Variants in RAB37 observed in about 807,000 individuals in gnomAD.
RAB37 encodes RAB37, member RAS oncogene family, also known as ras-related protein Rab-37.
In RAB37, 29 loss-of-function variants were observed where a neutral mutation model predicts 33.1. That is an observed-to-expected ratio of 0.88 (90% CI 0.65 to 1.20). RAB37 has a LOEUF of 1.20. Among genes scored for constraint, RAB37 ranks in the 50% most tolerant of loss-of-function variants. RAB37 has a pLI of 0.00. For missense variants in RAB37, 299 were observed against 301.1 expected (o/e 0.99, Z 0.05); for synonymous variants, 128 against 119.5 (o/e 1.07, Z -0.47).
In RAB37 at chr17:74,713,352, G is replaced by A. The variant is rs115188910; in HGVS notation, c.73-15904G>A. Among the ~76,000 whole-genome samples the A allele has an allele frequency of 7.9e-3, 1,204 of 151,944 alleles. 19 individuals carry two copies. Among genetic ancestry groups the A allele is most frequent in the African/African-American group, 0.027 (1,129 of 41,428 alleles). On this transcript the variant is annotated intron_variant, in intron 1 of 7. Transcript: ENST00000340415. Reference sequence around the variant, plus strand: ...AAAAAAGAGGAAGGAGGTGGAAAGGGTGAAATTTCGAGGCAGTTGACAATG... The same window carrying A: ...AAAAAAGAGGAAGGAGGTGGAAAGGATGAAATTTCGAGGCAGTTGACAATG...
At chr17:74,686,565 A>T (rs1360042358) in intron 1 of RAB37, among the ~76,000 whole-genome samples, 2 of 150,020 alleles carry the variant, frequency 1.3e-5, no homozygotes, top group East Asian at 4.0e-4. Flanking sequence ...TAGTTTTTGT[A>T]TTTTTTTTAG....
At chr17:74,737,037 G>C, upstream of RAB37, 1 of 1,607,476 alleles carries the variant, frequency 6.2e-7, no homozygotes, top group Non-Finnish European at 8.5e-7. Context: ...AGCGCACGGA[G>C]CCGAGCCGGT....
intron 1 of RAB37, among the ~76,000 whole-genome samples, chr17:74,721,283 C>T (rs2034236435): frequency 6.6e-6 from 1 of 152,204 alleles, no homozygotes; most frequent in Non-Finnish European, 1.5e-5. Flanking sequence ...CAGGGACATA[C>T]AGTACATACA....
chr17:74,711,899 CTTTTTTCT>C (rs1454817766), intron 1 of RAB37, among the ~76,000 whole-genome samples: 7 of 143,628 alleles, frequency 4.9e-5, no homozygotes, highest in Non-Finnish European at 6.1e-5. Context: ...TTTCTTTTTT[CTTTTTTCT>C]TTTTTTTTTT....
rs766095230 is a variant in RAB37, at chr17:74,695,301, T to C, written c.72+23643T>C. 8.7e-6 allele frequency: 14 copies of C among 1,606,454 alleles called. No homozygotes were observed. The South Asian group carries it at 1.2e-4, about 14-fold the overall frequency. ...CAGAGAGGACGGCAGGAAGTGACGGTCACGGGGCAGAGGAGCCCTCGGAGG... is the reference window on the plus strand; with the variant it reads ...CAGAGAGGACGGCAGGAAGTGACGGCCACGGGGCAGAGGAGCCCTCGGAGG... On this transcript the variant is annotated intron_variant, in intron 1 of 7. Coordinates refer to the RAB37 transcript ENST00000340415.
intron 1 of RAB37, among the ~76,000 whole-genome samples, chr17:74,713,173 C>T (rs1487783731): frequency 3.3e-5 from 5 of 151,908 alleles, no homozygotes; most frequent in South Asian, 4.2e-4. Context: ...GGCGTGGTGG[C>T]GCACACCTGT....
rs1274031694 is a variant in RAB37, at chr17:74,743,124, C to A, written c.247-5C>A. 2 of 1,612,452 alleles carry A rather than the reference C, an allele frequency of 1.2e-6. No individual in the cohort carries two copies. The highest frequency in any genetic ancestry group is 1.7e-5 in the Admixed American group (1 of 59,948). On this transcript the variant is annotated splice_region_variant and splice_polypyrimidine_tract_variant and intron_variant, in intron 3 of 8. Coordinates refer to ENST00000392613, the MANE Select transcript of RAB37 (RefSeq NM_001006638.3). ...TGACCATTTCTCCATCCCATCCCTT[C>A]CCAGATCTGGGACACCGCTGGGCAG...
intron 1 of RAB37, among the ~76,000 whole-genome samples, chr17:74,722,420 G>A (rs1477553233): frequency 6.6e-6 from 1 of 152,148 alleles, no homozygotes. Flanking sequence ...CTACAAACAC[G>A]AGGCAGAATT....
intron 1 of RAB37, among the ~76,000 whole-genome samples, chr17:74,681,012 A>C (rs927082289): frequency 2.0e-5 from 3 of 152,246 alleles, no homozygotes; most frequent in African/African-American, 7.2e-5. Context: ...GAATCAATTC[A>C]GCAAATATTT....
At chr17:74,740,904 C>G in intron 2 of RAB37, 26 bp downstream of exon 2, 1 of 1,525,670 alleles carries the variant, frequency 6.6e-7, no homozygotes, top group Non-Finnish European at 9.1e-7. Context: ...GCACTTGCTT[C>G]CAGCAGAGAG....
intron 1 of RAB37, among the ~76,000 whole-genome samples, chr17:74,715,699 G>C (rs1294880251): frequency 6.6e-6 from 1 of 152,112 alleles, no homozygotes; most frequent in African/African-American, 2.4e-5. Flanking sequence ...TCCCAGACCT[G>C]GCCTCCCCAA....
intron 1 of RAB37, among the ~76,000 whole-genome samples, chr17:74,675,272 TA>T (rs2031803405): frequency 6.6e-6 from 1 of 151,810 alleles, no homozygotes; most frequent in Non-Finnish European, 1.5e-5. Context: ...CCATTTCTAC[TA>T]AAAATACAAA....
intron 1 of RAB37, among the ~76,000 whole-genome samples, chr17:74,707,633 T>G (rs528345676): frequency 6.6e-6 from 1 of 151,670 alleles, no homozygotes; most frequent in Admixed American, 6.6e-5. Flanking sequence ...GAGAATCGTC[T>G]GAACCTGGGA....
At chr17:74,714,309 C>A (rs1374556322) in intron 1 of RAB37, among the ~76,000 whole-genome samples, 2 of 151,714 alleles carry the variant, frequency 1.3e-5, no homozygotes, top group African/African-American at 4.8e-5. Context: ...TTACCTGAGC[C>A]CAAGAGGTCG....
intron 2 of RAB37, among the ~76,000 whole-genome samples, chr17:74,741,587 G>GAAAAAAAA (rs535783718): frequency 7.9e-6 from 1 of 127,198 alleles, no homozygotes; most frequent in African/African-American, 3.2e-5. Context: ...CTGCGTCTCA[G>GAAAAAAAA]AAAAAAAAAA....
At chr17:74,739,898 C>T (rs981211374) in intron 1 of RAB37, among the ~76,000 whole-genome samples, 2 of 151,922 alleles carry the variant, frequency 1.3e-5, no homozygotes, top group Non-Finnish European at 2.9e-5. Context: ...GGCTCACGCC[C>T]GTAATCCCAG....
intron 1 of RAB37, among the ~76,000 whole-genome samples, chr17:74,710,520 T>C (rs1419534515): frequency 1.3e-5 from 2 of 152,058 alleles, no homozygotes; most frequent in African/African-American, 4.8e-5. Context: ...GTGTATTAAA[T>C]TCCTAGGAAT....
intron 1 of RAB37, among the ~76,000 whole-genome samples, chr17:74,727,667 C>G (rs2034321739): frequency 6.6e-6 from 1 of 152,156 alleles, no homozygotes; most frequent in Non-Finnish European, 1.5e-5. Context: ...TCATGGATGC[C>G]CCTGTGGATG....
chr17:74,725,296 CA>C (rs1326304341), intron 1 of RAB37, among the ~76,000 whole-genome samples: 1 of 151,730 alleles, frequency 6.6e-6, no homozygotes, highest in Non-Finnish European at 1.5e-5. Flanking sequence ...AGACATGTAA[CA>C]AGTGCTTTTG....
Sources: gnomAD v4.1 joint callset for allele counts (sites outside exome capture counted in the v4.1 genomes callset) on GRCh38, gnomAD v4.1.1 for gene constraint, MANE v1.5 for transcripts, NCBI Gene and HGNC (gene_info 2026-07-23, HGNC 2026-07-21) for gene names.